KCNIP4: variants seen among roughly 807,000 people sequenced by gnomAD.
The protein encoded by KCNIP4 is Kv channel-interacting protein 4.
KCNIP4 carries 12 observed loss-of-function variants against 34.0 expected under a neutral mutation model. The observed-to-expected ratio is 0.35, with a 90% CI of 0.23 to 0.57. The LOEUF (loss-of-function observed/expected upper bound fraction) is 0.57. KCNIP4 is among the 20% of genes least tolerant of loss of function. The pLI is 0.83. For missense variants in KCNIP4, 238 were observed against 311.7 expected (o/e 0.76, Z 1.78); for synonymous variants, 124 against 102.2 (o/e 1.21, Z -1.29).
intron 1 of KCNIP4, among the ~76,000 whole-genome samples, chr4:21,432,696 G>A (rs1338136827): frequency 6.6e-6 from 1 of 152,124 alleles, no homozygotes; most frequent in African/African-American, 2.4e-5. Flanking sequence ...GAAAAATTTA[G>A]GAAGGCAAAT....
At chr4:21,856,549 CT>C (rs1724768315) in intron 1 of KCNIP4, among the ~76,000 whole-genome samples, 1 of 152,172 alleles carries the variant, frequency 6.6e-6, no homozygotes, top group Admixed American at 6.5e-5. Context: ...GAGCCTTGCA[CT>C]CCCCAGGTGC....
At position 21,446,967 on chromosome 4, in the gene KCNIP4, A is replaced by C. The variant is rs143775737; in HGVS notation, c.61+501604T>G. The stretch of plus-strand genomic sequence containing the variant: ...TCGATTATTCCAGTTTCAGGTGATT[A>C]TAAATAAAGCTACTATAAACAGGTG... On this transcript the variant is annotated intron_variant, in intron 1 of 8. Transcript: ENST00000382152. Among the ~76,000 whole-genome samples the C allele has an allele frequency of 1.0e-3, 159 of 152,184 alleles. 1 individual carries two copies. Among genetic ancestry groups the C allele is most frequent in the African/African-American group, 3.8e-3 (157 of 41,516 alleles).
At chr4:21,449,234 T>C (rs1728303032) in intron 1 of KCNIP4, among the ~76,000 whole-genome samples, 1 of 152,170 alleles carries the variant, frequency 6.6e-6, no homozygotes, top group Admixed American at 6.6e-5. Flanking sequence ...GTGACTCTTC[T>C]TTAACTCCTA....
At chr4:21,765,768 G>A (rs1211066846) in intron 1 of KCNIP4, among the ~76,000 whole-genome samples, 3 of 148,576 alleles carry the variant, frequency 2.0e-5, no homozygotes, top group African/African-American at 7.4e-5. Context: ...CCTGGCTGAG[G>A]GTTCCTTCCA....
chr4:21,382,285 T>G (rs1721578277), intron 1 of KCNIP4, among the ~76,000 whole-genome samples: 1 of 152,150 alleles, frequency 6.6e-6, no homozygotes, highest in South Asian at 2.1e-4. Flanking sequence ...TGTTAAAGAC[T>G]ATGGCTTTTA....
In KCNIP4 at chr4:21,011,142, A is replaced by C. The variant is rs140312025; in HGVS notation, c.62-128433T>G. 2.4e-3 allele frequency among the ~76,000 whole-genome samples: 359 copies of C among 152,354 alleles called. 2 individuals carry two copies. The highest frequency in any genetic ancestry group is 8.1e-3 in the African/African-American group (335 of 41,580). On this transcript the variant is annotated intron_variant, in intron 1 of 8. Transcript: ENST00000382152. ...GAGGAGGAGGAAAATACAGTCATTA[A>C]AAACATATATAAGTAATTGGCTTCT...
intron 1 of KCNIP4, among the ~76,000 whole-genome samples, chr4:21,558,231 C>T (rs915917422): frequency 1.3e-5 from 2 of 152,140 alleles, no homozygotes; most frequent in Admixed American, 1.3e-4. Flanking sequence ...GTGGCTCACG[C>T]CTGTAATCCC....
intron 1 of KCNIP4, among the ~76,000 whole-genome samples, chr4:21,740,817 T>C (rs898554739): frequency 6.6e-6 from 1 of 152,198 alleles, no homozygotes; most frequent in Non-Finnish European, 1.5e-5. Flanking sequence ...CCCATATACA[T>C]TTAACATTAA....
chr4:21,097,018 CA>C (rs775411803), intron 1 of KCNIP4, among the ~76,000 whole-genome samples: 110 of 152,188 alleles, frequency 7.2e-4, no homozygotes, highest in Non-Finnish European at 1.3e-3. Flanking sequence ...AATTTATCAA[CA>C]AAACAAATAG....
chr4:21,258,232 T>A (rs538027588), intron 1 of KCNIP4, among the ~76,000 whole-genome samples: 1 of 152,254 alleles, frequency 6.6e-6, no homozygotes, highest in Non-Finnish European at 1.5e-5. Context: ...TCACATAAAT[T>A]TAGGTAGATT....
chr4:21,120,914 C>T (rs1198980600), intron 1 of KCNIP4, among the ~76,000 whole-genome samples: 1 of 152,138 alleles, frequency 6.6e-6, no homozygotes, highest in Non-Finnish European at 1.5e-5. Context: ...CATTTTGAGG[C>T]ACTAGGGGTT....
In KCNIP4 at chr4:21,068,530, G is replaced by T. The variant is rs189310171; in HGVS notation, c.62-185821C>A. Among the ~76,000 whole-genome samples, 360 of 152,130 alleles carry T rather than the reference G, an allele frequency of 2.4e-3. 1 individual carries two copies. Among genetic ancestry groups the T allele is most frequent in the Non-Finnish European group, 3.2e-3 (218 of 67,996 alleles). The stretch of plus-strand genomic sequence containing the variant: ...TTTTCTTCTAATGTCTCAATGATTA[G>T]GTCAAGCAGGCTCCACACAGTAGGG... On this transcript the variant is annotated intron_variant, in intron 1 of 8. Transcript: ENST00000382152.
chr4:21,221,267 A>G (rs1757962818), intron 1 of KCNIP4, among the ~76,000 whole-genome samples: 1 of 152,198 alleles, frequency 6.6e-6, no homozygotes, highest in African/African-American at 2.4e-5. Context: ...TGCCTGTTAC[A>G]TAGTAAGTAG....
At chr4:21,676,689 C>T (rs970386744) in intron 1 of KCNIP4, among the ~76,000 whole-genome samples, 11 of 152,060 alleles carry the variant, frequency 7.2e-5, no homozygotes, top group African/African-American at 2.4e-4. Context: ...TTAGTCTATC[C>T]TGTTATTCCT....
At chr4:21,930,101 T>C (rs1399172339) in intron 1 of KCNIP4, among the ~76,000 whole-genome samples, 3 of 152,108 alleles carry the variant, frequency 2.0e-5, no homozygotes, top group Non-Finnish European at 4.4e-5. Context: ...ACACACACCT[T>C]CAACTGTGAG....
intron 3 of KCNIP4, chr4:20,767,508 A>G (rs1293907107): frequency 6.6e-6 from 1 of 152,184 alleles, no homozygotes; most frequent in African/African-American, 2.4e-5. Flanking sequence ...TAAGAAACAT[A>G]TTTTGTGAGT....
intron 1 of KCNIP4, among the ~76,000 whole-genome samples, chr4:20,903,955 T>G (rs1191127226): frequency 6.6e-6 from 1 of 152,182 alleles, no homozygotes; most frequent in Non-Finnish European, 1.5e-5. Flanking sequence ...TTAGATCAAC[T>G]GCTGCAGGTG....
At chr4:20,870,035 A>G (rs1368615903) in intron 2 of KCNIP4, among the ~76,000 whole-genome samples, 1 of 152,176 alleles carries the variant, frequency 6.6e-6, no homozygotes, top group Non-Finnish European at 1.5e-5. Flanking sequence ...TTATTATATC[A>G]CTTATTAAAA....
intron 1 of KCNIP4, among the ~76,000 whole-genome samples, chr4:21,035,267 G>C (rs1577572446): frequency 6.6e-6 from 1 of 152,138 alleles, no homozygotes; most frequent in East Asian, 1.9e-4. Flanking sequence ...CTTTGGCATT[G>C]CCTGCAATTT....
Sources: gnomAD v4.1 joint callset for allele counts (sites outside exome capture counted in the v4.1 genomes callset) on GRCh38, gnomAD v4.1.1 for gene constraint, MANE v1.5 for transcripts, NCBI Gene and HGNC (gene_info 2026-07-23, HGNC 2026-07-21) for gene names.